The following CMYA5 variants were observed in gnomAD, a reference collection of about 807,000 sequenced individuals.
CMYA5 encodes cardiomyopathy-associated protein 5.
CMYA5 carries 246 observed loss-of-function variants against 318.9 expected under a neutral mutation model. The ratio of observed to expected loss-of-function variants is 0.77; its 90% confidence interval spans 0.70 to 0.86. The LOEUF (loss-of-function observed/expected upper bound fraction) is 0.86, where lower values mean the gene tolerates loss of function less well. Ranked by LOEUF, CMYA5 falls within the 40% of genes least tolerant of loss-of-function variation. CMYA5 has a pLI of 0.00. For synonymous variants in CMYA5, 1,641 were observed against 1,729.5 expected, an observed-to-expected ratio of 0.95 and a Z score of 1.27; for missense variants, 4,589 against 4,678.2, an observed-to-expected ratio of 0.98 and a Z score of 0.56.
In CMYA5 at chr5:79,689,888, G is replaced by A. The variant is rs1289042302; in HGVS notation, c.-20G>A. 1 of 735,708 alleles carries A rather than the reference G, an allele frequency of 1.4e-6. No individual in the cohort carries two copies. The allele number at this position is 735,708 out of a possible 1,614,324, so 45.6% of individuals were successfully genotyped here. A position where few individuals can be genotyped will look rare whatever the true frequency, so the allele number is the denominator to read the frequency against. On this transcript the variant is annotated 5_prime_UTR_variant, in exon 1 of 13. Coordinates refer to ENST00000446378, the MANE Select transcript of CMYA5 (RefSeq NM_153610.5). ...GCGGGCGGCTCCGGCTCCGGCCCCG[G>A]CCCAGGCCCGGGAGAGGCGATGGCG...
At position 79,729,697 on chromosome 5, in the gene CMYA5, C is replaced by T; in HGVS notation, c.932C>T (p.Ser311Leu). 6.2e-7 allele frequency: 1 copy of T among 1,613,892 alleles called. No individual in the cohort carries two copies. Among genetic ancestry groups the T allele is most frequent in the South Asian group, 1.1e-5 (1 of 91,068 alleles). The change falls in exon 2 of 13, where the codon TCA (serine) becomes TTA (leucine). Residue 311 changes from serine to leucine, a missense_variant. This residue lies in a region of CMYA5 where 2,132 missense variants were observed against 2,131.3 expected (regional missense o/e 1.00). Transcript: ENST00000446378. ...TGGAGAGGCGCACTCTCCAAAGGAT[C>T]AGAGTCCCTAACCTTAATGTTCAGT... Reference protein sequence around the residue: ...PPWRGALSKGSESLTLMFSHE... With the variant: ...PPWRGALSKGLESLTLMFSHE...
Position 79,792,151 on chromosome 5 carries a change from A to T in CMYA5, c.11789+1082A>T, listed in dbSNP as rs1268615402. 2.0e-5 allele frequency among the ~76,000 whole-genome samples: 3 copies of T among 152,240 alleles called. No homozygotes were observed. In the East Asian group the frequency reaches 5.8e-4, roughly 29 times the overall value. ...GGCCAAGGCTTCTCTGGACCCTGGC[A>T]CCCTTTGATCTTACCTGTGTAAAAG... On this transcript the variant is annotated intron_variant, in intron 11 of 12. Transcript: ENST00000446378.
rs200715392 is a variant in CMYA5, at chr5:79,742,048, C to CTCTTCTTCT, written c.10639-1735_10639-1727dup. 5.3e-3 allele frequency among the ~76,000 whole-genome samples: 540 copies of CTCTTCTTCT among 102,482 alleles called. 9 individuals are homozygous for CTCTTCTTCT. The highest frequency in any genetic ancestry group is 0.024 in the African/African-American group (478 of 20,052). The allele number at this position is 102,482 out of a possible 152,430, so 67.2% of individuals were successfully genotyped here. On this transcript the variant is annotated intron_variant, in intron 2 of 12. Transcript: ENST00000446378. ...TTCCTCCTCCTCCTCCCTCTTTCTC[C>CTCTTCTTCT]TCTTCTTCTTCTTCTTCTTCTTCTT...
chr5:79,765,720 T>G (rs59043252), intron 9 of CMYA5, among the ~76,000 whole-genome samples: 12,546 of 152,204 alleles, frequency 0.082, 1,248 homozygotes, highest in African/African-American at 0.24. Context: ...TTGTAAGTTG[T>G]ATTCCTAGGT....
intron 9 of CMYA5, among the ~76,000 whole-genome samples, chr5:79,775,738 G>GT (rs1395387918): frequency 6.6e-6 from 1 of 152,106 alleles, no homozygotes; most frequent in Non-Finnish European, 1.5e-5. Context: ...CTGCAAAAAC[G>GT]TTCTCTGTAT....
At chr5:79,693,336 A>ATTTTTTTTTTTTTTTTT (rs11319092) in intron 1 of CMYA5, among the ~76,000 whole-genome samples, 4 of 135,634 alleles carry the variant, frequency 2.9e-5, no homozygotes, top group Non-Finnish European at 3.1e-5. Flanking sequence ...AAGTCACACA[A>ATTTTTTTTTTTTTTTTT]TTTTTTTTTT....
intron 7 of CMYA5, 33 bp from the exon 8 acceptor site, chr5:79,761,778 G>C (rs1415538251): frequency 1.3e-6 from 2 of 1,586,324 alleles, no homozygotes; most frequent in Non-Finnish European, 1.7e-6. Context: ...AACTTTGGAA[G>C]ATGTCTTCGA....
chr5:79,710,606 A>G (rs6898234), intron 1 of CMYA5, among the ~76,000 whole-genome samples: 29,982 of 152,092 alleles, frequency 0.2, 3,089 homozygotes, highest in East Asian at 0.36. Flanking sequence ...TGGTCATCTG[A>G]GTGCTGGGAT....
chr5:79,702,442 A>C (rs1211115485), intron 1 of CMYA5, among the ~76,000 whole-genome samples: 2 of 152,218 alleles, frequency 1.3e-5, no homozygotes, highest in Non-Finnish European at 2.9e-5. Flanking sequence ...AAAGGAATGA[A>C]GTACTGATAC....
chr5:79,722,616 G>A (rs1827662245), intron 1 of CMYA5, among the ~76,000 whole-genome samples: 1 of 147,566 alleles, frequency 6.8e-6, no homozygotes, highest in Non-Finnish European at 1.5e-5. Flanking sequence ...GGCGAAGGTT[G>A]CAGGGAGCCA....
At chr5:79,770,666 C>A (rs1382812298) in intron 9 of CMYA5, among the ~76,000 whole-genome samples, 3 of 152,132 alleles carry the variant, frequency 2.0e-5, no homozygotes, top group Non-Finnish European at 2.9e-5. Context: ...AAATCACCCA[C>A]CTTCTACATT....
intron 1 of CMYA5, among the ~76,000 whole-genome samples, chr5:79,700,857 A>T (rs1827160649): frequency 6.6e-6 from 1 of 152,160 alleles, no homozygotes; most frequent in South Asian, 2.1e-4. Flanking sequence ...AAGAAAGTAG[A>T]TCTCATGAAG....
In CMYA5 at chr5:79,738,002, A is replaced by C. The variant is rs1561213393; in HGVS notation, c.9237A>C (p.Glu3079Asp). 1 of 1,613,630 alleles carries C rather than the reference A, an allele frequency of 6.2e-7. No individual in the cohort carries two copies. The highest frequency in any genetic ancestry group is 2.2e-5 in the East Asian group (1 of 44,864). Reference protein sequence around the residue: ...KQKAPQKLNVEEKLSKEVTEE... With the variant: ...KQKAPQKLNVDEKLSKEVTEE... ...AAGCTCCACAGAAATTAAATGTTGA[A>C]GAGAAACTCTCAAAGGAAGTTACAG... The change falls in exon 2 of 13, where the codon GAA (glutamate) becomes GAC (aspartate). Residue 3079 changes from glutamate (E) to aspartate (D), a missense_variant. Glu to Asp is a conservative substitution (Grantham distance 45). Coordinates refer to ENST00000446378, the MANE Select transcript of CMYA5 (RefSeq NM_153610.5).
chr5:79,736,670 C>T lies in CMYA5; in HGVS notation c.7905C>T (p.Phe2635=). The T allele has an allele frequency of 6.2e-7, 1 of 1,613,600 alleles. No individual in the cohort carries two copies. The change falls in exon 2 of 13, where the codon TTC becomes TTT. Residue 2635 remains phenylalanine, a synonymous_variant. Coordinates refer to ENST00000446378, the MANE Select transcript of CMYA5 (RefSeq NM_153610.5). ...SKVLVEKTKT[F]LPVALSCRDE... ...TTTTGGTGGAGAAAACCAAGACTTT[C>T]CTGCCGGTGGCTCTTTCTTGTCGTG...
chr5:79,719,953 C>T (rs1247231767), intron 1 of CMYA5, among the ~76,000 whole-genome samples: 1 of 152,120 alleles, frequency 6.6e-6, no homozygotes, highest in Admixed American at 6.5e-5. Flanking sequence ...TAAAAAATGA[C>T]ACATTTGATT....
chr5:79,747,024 TTC>T, intron 4 of CMYA5, 65 bp from the exon 5 acceptor site: 16 of 960,212 alleles, frequency 1.7e-5, no homozygotes, highest in Admixed American at 2.3e-5. Context: ...GTTAATTAGC[TTC>T]TCTCTCTCTT....
At chr5:79,761,067 A>T (rs935177030) in intron 7 of CMYA5, among the ~76,000 whole-genome samples, 1 of 152,236 alleles carries the variant, frequency 6.6e-6, no homozygotes, top group Non-Finnish European at 1.5e-5. Flanking sequence ...AAAGAAAATC[A>T]TATGTTTTAA....
At chr5:79,788,466 ATT>A (rs3061542) in intron 9 of CMYA5, among the ~76,000 whole-genome samples, 22,407 of 139,520 alleles carry the variant, frequency 0.16, 1,932 homozygotes, top group Admixed American at 0.3. Flanking sequence ...AACTTTGAGA[ATT>A]TTTTTTTTTT....
chr5:79,788,283 G>C (rs1451773956), intron 9 of CMYA5, among the ~76,000 whole-genome samples: 2 of 150,408 alleles, frequency 1.3e-5, no homozygotes, highest in Non-Finnish European at 3.0e-5. Context: ...TAGGAAAGAA[G>C]CACAAAACTA....
Sources: gnomAD v4.1 joint callset for allele counts (sites outside exome capture counted in the v4.1 genomes callset) on GRCh38, gnomAD v4.1.1 for gene constraint, gnomAD v4.1.1 regional missense constraint, MANE v1.5 for transcripts, NCBI Gene and HGNC (gene_info 2026-07-23, HGNC 2026-07-21) for gene names.